The following HPSE2 variants were observed in gnomAD, a reference collection of about 807,000 sequenced individuals.
HPSE2 encodes heparanase 2 (inactive).
HPSE2 carries 38 observed loss-of-function variants against 60.5 expected under a neutral mutation model. That is an observed-to-expected ratio of 0.63 (90% CI 0.48 to 0.82). The LOEUF is 0.82. HPSE2 is among the 40% of genes least tolerant of loss of function. The pLI, the probability that HPSE2 is intolerant of heterozygous loss-of-function variation, is 0.00. For synonymous variants in HPSE2, 295 were observed against 293.2 expected (o/e 1.01, Z -0.06); for missense variants, 713 against 740.4 (o/e 0.96, Z 0.43).
chr10:99,216,188 C>CTTTTTTT (rs550046406), intron 2 of HPSE2, among the ~76,000 whole-genome samples: 13 of 97,668 alleles, frequency 1.3e-4, no homozygotes, highest in East Asian at 3.1e-4. Context: ...ATAACCTAAA[C>CTTTTTTT]TTTTTTTTTT....
intron 5 of HPSE2, among the ~76,000 whole-genome samples, chr10:98,694,672 A>T (rs1322393049): frequency 1.3e-5 from 2 of 152,224 alleles, no homozygotes; most frequent in Non-Finnish European, 2.9e-5. Context: ...TCAATAGGCC[A>T]AGAAGATGCA....
At chr10:98,719,514 A>G (rs1356948964) in intron 5 of HPSE2, among the ~76,000 whole-genome samples, 1 of 151,920 alleles carries the variant, frequency 6.6e-6, no homozygotes. Flanking sequence ...GGTATAAAAG[A>G]GTAGGGTATC....
chr10:98,904,745 A>G (rs1564645552), intron 3 of HPSE2, among the ~76,000 whole-genome samples: 1 of 152,216 alleles, frequency 6.6e-6, no homozygotes, highest in Non-Finnish European at 1.5e-5. Context: ...TTAAAAAACA[A>G]TGGAAGAAAT....
intron 2 of HPSE2, among the ~76,000 whole-genome samples, chr10:99,151,579 C>A (rs965444806): frequency 1.3e-5 from 2 of 151,822 alleles, no homozygotes; most frequent in African/African-American, 4.8e-5. Flanking sequence ...GTTAAAAGCC[C>A]AAGATAAAAA....
chr10:99,062,850 A>G (rs575458427), intron 3 of HPSE2, among the ~76,000 whole-genome samples: 1 of 152,346 alleles, frequency 6.6e-6, no homozygotes, highest in South Asian at 2.1e-4. Flanking sequence ...CCATTGCAAA[A>G]CTAAACTATT....
chr10:99,230,474 T>C (rs1337181573), intron 2 of HPSE2, among the ~76,000 whole-genome samples: 1 of 152,072 alleles, frequency 6.6e-6, no homozygotes, highest in African/African-American at 2.4e-5. Context: ...AATGATCCTA[T>C]ACTGGCCCCT....
chr10:99,172,487 T>C (rs1390150406), intron 2 of HPSE2, among the ~76,000 whole-genome samples: 1 of 152,194 alleles, frequency 6.6e-6, no homozygotes, highest in Non-Finnish European at 1.5e-5. Flanking sequence ...GGACACTATA[T>C]TGGACACTAG....
intron 6 of HPSE2, among the ~76,000 whole-genome samples, chr10:98,668,546 T>C (rs1947427004): frequency 6.6e-6 from 1 of 152,096 alleles, no homozygotes; most frequent in Non-Finnish European, 1.5e-5. Context: ...ATGGTATGGG[T>C]ACAAAAACAG....
intron 3 of HPSE2, among the ~76,000 whole-genome samples, chr10:99,008,705 C>T (rs1318560341): frequency 6.6e-6 from 1 of 152,100 alleles, no homozygotes; most frequent in Non-Finnish European, 1.5e-5. Flanking sequence ...TGTCAATAAT[C>T]GAGAGATATG....
At chr10:98,656,231 G>A (rs1285435932) in intron 6 of HPSE2, among the ~76,000 whole-genome samples, 3 of 151,928 alleles carry the variant, frequency 2.0e-5, no homozygotes, top group African/African-American at 4.8e-5. Flanking sequence ...GACTACAGGC[G>A]CATCCCACCA....
rs117228477 is a variant in HPSE2 at position 98,868,780 on chromosome 10, G to T, written c.611-124724C>A. On this transcript the variant is annotated intron_variant, in intron 3 of 11. Transcript: ENST00000370552. ...ACCTTAGCAGTATCATAGAAATTTT[G>T]ATTGTTGTATTTTTATTACAAAGTT... Among the ~76,000 whole-genome samples the T allele has an allele frequency of 7.1e-3, 1,083 of 152,098 alleles. 12 individuals are homozygous for T. Among genetic ancestry groups the T allele is most frequent in the Non-Finnish European group, 0.011 (742 of 67,982 alleles).
At chr10:98,589,650 C>T (rs574023724) in intron 9 of HPSE2, among the ~76,000 whole-genome samples, 27 of 152,300 alleles carry the variant, frequency 1.8e-4, no homozygotes, top group Non-Finnish European at 3.4e-4. Flanking sequence ...GCTTGTCCTT[C>T]GTTGGTCTAC....
chr10:98,978,105 A>T (rs1268528453), intron 3 of HPSE2, among the ~76,000 whole-genome samples: 3 of 152,128 alleles, frequency 2.0e-5, no homozygotes, highest in African/African-American at 7.2e-5. Flanking sequence ...AACACGCTTA[A>T]TTCCACAGCC....
intron 2 of HPSE2, among the ~76,000 whole-genome samples, chr10:99,153,345 T>C (rs1846368194): frequency 6.6e-6 from 1 of 152,190 alleles, no homozygotes; most frequent in South Asian, 2.1e-4. Flanking sequence ...CAGACTTAAA[T>C]GTCCCTGTCT....
At chr10:99,275,396 A>C in the HPSE2 span, among the ~76,000 whole-genome samples, 1 of 152,128 alleles carries the variant, frequency 6.6e-6, no homozygotes. Context: ...TTAGTACCCC[A>C]AGGGTACAGT....
chr10:98,933,757 A>T (rs1258621711), intron 3 of HPSE2, among the ~76,000 whole-genome samples: 1 of 135,772 alleles, frequency 7.4e-6, no homozygotes, highest in Non-Finnish European at 1.5e-5. Context: ...TTTGAGATGG[A>T]GTCTTGCTCT....
intron 9 of HPSE2, among the ~76,000 whole-genome samples, chr10:98,541,161 T>C (rs886283468): frequency 2.6e-5 from 4 of 152,242 alleles, no homozygotes; most frequent in African/African-American, 9.6e-5. Flanking sequence ...GGCTTTAACC[T>C]TATGCTATCC....
intron 3 of HPSE2, among the ~76,000 whole-genome samples, chr10:98,898,687 C>A (rs1226663106): frequency 1.3e-5 from 2 of 152,030 alleles, no homozygotes; most frequent in African/African-American, 4.8e-5. Context: ...TAAAACAGCA[C>A]ACAAAAGTGA....
chr10:98,613,461 C>T (rs1228765659), intron 9 of HPSE2, among the ~76,000 whole-genome samples: 1 of 152,162 alleles, frequency 6.6e-6, no homozygotes, highest in African/African-American at 2.4e-5. Flanking sequence ...GAGTCATGTA[C>T]ACCAAGTGAT....
Sources: gnomAD v4.1 joint callset for allele counts (sites outside exome capture counted in the v4.1 genomes callset) on GRCh38, gnomAD v4.1.1 for gene constraint, MANE v1.5 for transcripts, NCBI Gene and HGNC (gene_info 2026-07-23, HGNC 2026-07-21) for gene names.